The following ITGA4 variants were observed in gnomAD, a reference collection of about 807,000 sequenced individuals.
The protein encoded by ITGA4 is integrin subunit alpha 4.
ITGA4 carries 63 observed loss-of-function variants against 133.6 expected under a neutral mutation model. That is an observed-to-expected ratio of 0.47 (90% CI 0.38 to 0.58). ITGA4 has a LOEUF of 0.58. Among genes scored for constraint, ITGA4 ranks in the 20% least tolerant of loss-of-function variants. ITGA4 has a pLI of 0.00. For missense variants in ITGA4, 1,076 were observed against 1,252.7 expected (o/e 0.86, Z 2.13); for synonymous variants, 483 against 438.0 (o/e 1.10, Z -1.28).
rs753950344 is a variant in ITGA4 at position 181,530,607 on chromosome 2, A to T, written c.2622A>T (p.Lys874Asn). Residue 874 changes from lysine (K) to asparagine (N), a missense_variant, in exon 24 of 28, where the codon AAA (lysine) becomes AAT (asparagine). This residue lies in a region of ITGA4 where 365 missense variants were observed against 421.4 expected (regional missense o/e 0.87). Coordinates refer to ENST00000397033, the MANE Select transcript of ITGA4 (RefSeq NM_000885.6). ...AAAAGAGTGCAATGCAGACCTTGAA[A>T]GGCATAGTCCGGTTCTTGTCCAAGA... is the stretch of plus-strand genomic sequence containing the variant. The part of the protein sequence containing the change: ...EQQKSAMQTL[K>N]GIVRFLSKTD... 1 of 1,613,506 alleles carries T rather than the reference A, an allele frequency of 6.2e-7. No individual in the cohort carries two copies. The highest frequency in any genetic ancestry group is 8.5e-7 in the Non-Finnish European group (1 of 1,179,492).
chr2:181,500,004 A>G (rs1686236915), intron 15 of ITGA4, among the ~76,000 whole-genome samples: 2 of 152,176 alleles, frequency 1.3e-5, no homozygotes, highest in Admixed American at 1.3e-4. Flanking sequence ...AATTTGTAGC[A>G]GAAATGATTA....
At chr2:181,511,248 T>G (rs571938152) in intron 16 of ITGA4, among the ~76,000 whole-genome samples, 9 of 152,218 alleles carry the variant, frequency 5.9e-5, no homozygotes, top group Admixed American at 5.9e-4. Flanking sequence ...TAAGTAAAAT[T>G]TCTAAGTATC....
At chr2:181,457,376 C>A (rs558480414), upstream of ITGA4, 6 of 392,622 alleles carry the variant, frequency 1.5e-5, no homozygotes, top group Middle Eastern at 6.8e-4. Flanking sequence ...CCCAGCGGCC[C>A]GTACCCGGAG....
At chr2:181,517,197 A>C (rs1393458545) in intron 17 of ITGA4, among the ~76,000 whole-genome samples, 2 of 152,114 alleles carry the variant, frequency 1.3e-5, no homozygotes, top group African/African-American at 4.8e-5. Context: ...TTGTCAAATA[A>C]ATGAGTCATG....
At position 181,536,758 on chromosome 2, in the gene ITGA4, CTTT is replaced by C; in HGVS notation, c.*1232_*1234del. On this transcript the variant is annotated 3_prime_UTR_variant, in exon 28 of 28. Transcript: ENST00000397033. The stretch of plus-strand genomic sequence containing the variant: ...TGACTTTCTGGATTTTAAAAAATTT[CTTT>C]AAATACAATCATTTTTGTAATATTT... 4.1e-6 allele frequency: 1 copy of C among 244,784 alleles called. No individual in the cohort carries two copies. Among genetic ancestry groups the C allele is most frequent in the Non-Finnish European group, 8.2e-6 (1 of 121,442 alleles). 15.2% of individuals were successfully genotyped at this position (244,784 alleles called of 1,614,324 possible).
At position 181,482,671 on chromosome 2, in the gene ITGA4, C is replaced by G. The variant is rs201301104; in HGVS notation, c.1041+20C>G. 3 of 1,607,776 alleles carry G rather than the reference C, an allele frequency of 1.9e-6. No homozygotes were observed. The highest frequency in any genetic ancestry group is 2.6e-6 in the Non-Finnish European group (3 of 1,174,948). On this transcript the variant is annotated intron_variant, in intron 9 of 27. Coordinates refer to ENST00000397033, the MANE Select transcript of ITGA4 (RefSeq NM_000885.6). ...GGCTCGGTATGTCCAAGTGCCCCAA[C>G]TGGAAGCCATTTATGGAATTATGAT...
At chr2:181,476,556 C>CT in intron 4 of ITGA4, among the ~76,000 whole-genome samples, 1 of 152,130 alleles carries the variant, frequency 6.6e-6, no homozygotes, top group Non-Finnish European at 1.5e-5. Flanking sequence ...GCTTTGCCCC[C>CT]TTAGAAAGTT....
chr2:181,466,255 C>G (rs1173537852), intron 2 of ITGA4, among the ~76,000 whole-genome samples: 1 of 151,760 alleles, frequency 6.6e-6, no homozygotes, highest in Non-Finnish European at 1.5e-5. Flanking sequence ...TCTCTGGGGA[C>G]ATTTACCTCT....
chr2:181,524,043 T>C (rs1005582121), intron 19 of ITGA4, 128 bp from the exon 20 acceptor site: 1 of 616,578 alleles, frequency 1.6e-6, no homozygotes, highest in East Asian at 3.1e-5. Flanking sequence ...AAGGGAGGAG[T>C]AGCTGATGCC....
chr2:181,475,308 C>A lies in ITGA4; in HGVS notation c.556+20C>A, dbSNP rs200651237. ...ATCAAGGTAAGGCATGATTTTGATA[C>A]GAATTAGATAAAGATAAGTAAGTGA... is the stretch of plus-strand genomic sequence containing the variant. On this transcript the variant is annotated intron_variant, in intron 4 of 27. Transcript: ENST00000397033. The A allele has an allele frequency of 2.5e-6, 4 of 1,585,976 alleles. No homozygotes were observed. Among genetic ancestry groups the A allele is most frequent in the Non-Finnish European group, 3.5e-6 (4 of 1,158,458 alleles).
At chr2:181,485,454 A>G (rs1375374503) in intron 9 of ITGA4, among the ~76,000 whole-genome samples, 1 of 150,712 alleles carries the variant, frequency 6.6e-6, no homozygotes, top group South Asian at 2.1e-4. Flanking sequence ...CTTCTCAGTC[A>G]TTTATATGCT....
chr2:181,533,397 C>A (rs1051155015), intron 25 of ITGA4, among the ~76,000 whole-genome samples: 1 of 152,194 alleles, frequency 6.6e-6, no homozygotes. Context: ...GTCATTTAAC[C>A]TTTTGCAGTT....
Position 181,516,177 on chromosome 2 carries a change from C to T in ITGA4, c.1922+4402C>T, listed in dbSNP as rs954824067. ...GGAGTTTAAAATCAAATCCTTGAAA[C>T]TCATGTAAATGATACCGCAATACAT... On this transcript the variant is annotated intron_variant, in intron 17 of 27. Transcript: ENST00000397033. The surrounding 1 kb of genome is among the most constrained non-coding windows in gnomAD (Gnocchi z 4.0). 6.6e-6 allele frequency among the ~76,000 whole-genome samples: 1 copy of T among 152,036 alleles called. No individual in the cohort carries two copies. The highest frequency in any genetic ancestry group is 2.4e-5 in the African/African-American group (1 of 41,414).
chr2:181,479,027 C>T (rs1223787212), intron 5 of ITGA4: 1 of 366,960 alleles, frequency 2.7e-6, no homozygotes, highest in African/African-American at 2.1e-5. Context: ...GGTGGCTATA[C>T]TGCATAAGAT....
intron 3 of ITGA4, 23 bp from the exon 4 acceptor site, chr2:181,475,136 T>G: frequency 6.2e-7 from 1 of 1,613,514 alleles, no homozygotes; most frequent in Non-Finnish European, 8.5e-7. Context: ...TCACATCATT[T>G]GGTCTACTTT....
chr2:181,459,054 T>C (rs1685204493), intron 2 of ITGA4: 1 of 152,310 alleles, frequency 6.6e-6, no homozygotes, highest in Non-Finnish European at 1.5e-5. Context: ...GAATATTAAA[T>C]AACAAGACCT....
At chr2:181,525,103 A>C in intron 20 of ITGA4, 99 bp from the exon 21 acceptor site, 1 of 570,798 alleles carries the variant, frequency 1.8e-6, no homozygotes, top group Non-Finnish European at 3.0e-6. Flanking sequence ...GCATTTAAGC[A>C]AACCTCTGAG....
In ITGA4 at chr2:181,525,422, C is replaced by T. The variant is rs577897053; in HGVS notation, c.2339+131C>T. 107 of 566,196 alleles carry T rather than the reference C, an allele frequency of 1.9e-4. 1 individual carries two copies. In the South Asian group the frequency reaches 2.6e-3, roughly 14 times the overall value. The allele number at this position is 566,196 out of a possible 1,614,324, so 35.1% of individuals were successfully genotyped here. A position where few individuals can be genotyped will look rare whatever the true frequency, so the allele number is the denominator to read the frequency against. ...AGGATACTCTATCTTTTAATAATTA[C>T]CTCATTGTTATAGTCCCTTACTTAG... On this transcript the variant is annotated intron_variant, in intron 21 of 27. Transcript: ENST00000397033.
chr2:181,533,365 A>G (rs1686985004), intron 25 of ITGA4, among the ~76,000 whole-genome samples: 1 of 152,252 alleles, frequency 6.6e-6, no homozygotes, highest in South Asian at 2.1e-4. Flanking sequence ...TGCTAAAAGC[A>G]AAGTCATTGA....
Sources: allele counts gnomAD v4.1 joint callset (sites outside exome capture counted in the v4.1 genomes callset), GRCh38; gene constraint gnomAD v4.1.1; regional missense constraint gnomAD v4.1.1; non-coding constraint Gnocchi (gnomAD v3.1); transcripts MANE v1.5; gene names NCBI Gene and HGNC (gene_info 2026-07-23, HGNC 2026-07-21).